Variants in NARS2 observed in about 807,000 individuals in gnomAD.
NARS2 encodes the protein asparaginyl-tRNA synthetase.
A neutral mutation model predicts 62.9 loss-of-function variants in NARS2; 60 were observed. The observed-to-expected ratio is 0.95, with a 90% confidence interval of 0.77 to 1.18. The LOEUF (loss-of-function observed/expected upper bound fraction) is 1.18, where lower values mean the gene tolerates loss of function less well. Among genes scored for constraint, NARS2 ranks in the 50% most tolerant of loss-of-function variants. The pLI is 0.00. For missense variants in NARS2, 619 were observed against 576.4 expected, an observed-to-expected ratio of 1.07 and a Z score of -0.76; for synonymous variants, 196 against 200.0, an observed-to-expected ratio of 0.98 and a Z score of 0.17.
At chr11:78,519,074 C>A (rs1240782072) in intron 6 of NARS2, among the ~76,000 whole-genome samples, 1 of 152,090 alleles carries the variant, frequency 6.6e-6, no homozygotes, top group African/African-American at 2.4e-5. Context: ...AATTCAGTAT[C>A]AAGGGAATGA....
intron 5 of NARS2, among the ~76,000 whole-genome samples, chr11:78,547,586 C>T (rs1034283030): frequency 6.6e-6 from 1 of 151,820 alleles, no homozygotes; most frequent in African/African-American, 2.4e-5. Context: ...GCCTGTAATC[C>T]CAGCATTTTG....
chr11:78,563,848 A>AT (rs1565287308), intron 4 of NARS2, among the ~76,000 whole-genome samples: 11 of 57,724 alleles, frequency 1.9e-4, no homozygotes, highest in African/African-American at 6.0e-4. Flanking sequence ...AAAAAAAAAA[A>AT]AAAATATATA....
At chr11:78,498,983 C>A (rs1204457616) in intron 6 of NARS2, among the ~76,000 whole-genome samples, 1 of 139,648 alleles carries the variant, frequency 7.2e-6, no homozygotes, top group Non-Finnish European at 1.5e-5. Context: ...GTGGCACGAT[C>A]TCGGCTCACT....
chr11:78,457,832 A>T (rs931726283), intron 11 of NARS2, among the ~76,000 whole-genome samples: 3 of 151,548 alleles, frequency 2.0e-5, no homozygotes, highest in Non-Finnish European at 4.4e-5. Flanking sequence ...ACACACAAAC[A>T]CACACACACA....
intron 6 of NARS2, among the ~76,000 whole-genome samples, chr11:78,500,736 G>C (rs962175706): frequency 6.6e-6 from 1 of 150,956 alleles, no homozygotes. Context: ...GGTTTATCTA[G>C]GTTGTATCTA....
intron 11 of NARS2, among the ~76,000 whole-genome samples, chr11:78,460,458 A>T (rs1858352010): frequency 6.6e-6 from 1 of 152,156 alleles, no homozygotes; most frequent in Non-Finnish European, 1.5e-5. Context: ...CTGATTCAGA[A>T]GAGGAAAGAA....
chr11:78,493,663 GAACA>G (rs1360051504), intron 6 of NARS2, among the ~76,000 whole-genome samples: 9 of 119,538 alleles, frequency 7.5e-5, no homozygotes, highest in Non-Finnish European at 1.3e-4. Context: ...CTCAATAAAT[GAACA>G]AACAAACAAA....
chr11:78,470,226 C>G (rs1858809645), intron 9 of NARS2, among the ~76,000 whole-genome samples: 1 of 152,124 alleles, frequency 6.6e-6, no homozygotes, highest in African/African-American at 2.4e-5. Flanking sequence ...CTGATTCTCT[C>G]CATGAGACAC....
chr11:78,469,403 T>C, intron 9 of NARS2, 90 bp from the exon 10 acceptor site: 1 of 866,482 alleles, frequency 1.2e-6, no homozygotes, highest in East Asian at 2.5e-5. Flanking sequence ...CGTACTCCTA[T>C]ATCACACTGT....
intron 7 of NARS2, among the ~76,000 whole-genome samples, chr11:78,488,760 G>T (rs545976430): frequency 6.6e-6 from 1 of 152,080 alleles, no homozygotes; most frequent in African/African-American, 2.4e-5. Flanking sequence ...AGTAGAATAC[G>T]GAACAGAATA....
intron 11 of NARS2, among the ~76,000 whole-genome samples, chr11:78,459,209 C>CCA (rs1858291482): frequency 4.0e-5 from 6 of 149,908 alleles, no homozygotes; most frequent in African/African-American, 1.5e-4. Flanking sequence ...GCCACGGCGC[C>CCA]GGTCAATCTG....
chr11:78,453,993 T>C (rs1858062826), intron 11 of NARS2, among the ~76,000 whole-genome samples: 1 of 152,226 alleles, frequency 6.6e-6, no homozygotes, highest in Non-Finnish European at 1.5e-5. Flanking sequence ...ATGTATTCCC[T>C]TTCCCTCATG....
chr11:78,574,069 G>A (rs573623228), intron 1 of NARS2, among the ~76,000 whole-genome samples: 1 of 152,318 alleles, frequency 6.6e-6, no homozygotes, highest in South Asian at 2.1e-4. Context: ...GATAAAGATA[G>A]AGAAAGGGGG....
chr11:78,490,592 G>A (rs925888826), intron 7 of NARS2, among the ~76,000 whole-genome samples: 9 of 152,144 alleles, frequency 5.9e-5, no homozygotes, highest in African/African-American at 1.7e-4. Context: ...TGAGGCAGGC[G>A]GATGGCTTGA....
chr11:78,545,780 C>T (rs906434827), intron 5 of NARS2, among the ~76,000 whole-genome samples: 1 of 152,042 alleles, frequency 6.6e-6, no homozygotes, highest in African/African-American at 2.4e-5. Context: ...GTGATATATA[C>T]GCCTGCCTTG....
At chr11:78,473,100 A>C (rs999782204) in intron 9 of NARS2, among the ~76,000 whole-genome samples, 1 of 152,204 alleles carries the variant, frequency 6.6e-6, no homozygotes, top group African/African-American at 2.4e-5. Context: ...CAGGAGTTCA[A>C]GGCTGCAGTG....
At chr11:78,563,591 G>C (rs186755207) in intron 4 of NARS2, among the ~76,000 whole-genome samples, 2 of 151,148 alleles carry the variant, frequency 1.3e-5, no homozygotes, top group Non-Finnish European at 2.9e-5. Flanking sequence ...CCAGCACTTT[G>C]GGAGGCTGAG....
At chr11:78,548,729 C>CT (rs1223516874) in intron 5 of NARS2, among the ~76,000 whole-genome samples, 2 of 152,060 alleles carry the variant, frequency 1.3e-5, no homozygotes, top group Non-Finnish European at 2.9e-5. Context: ...CTCCTCCCTT[C>CT]TGACATGACA....
chr11:78,481,841 G>C (rs1218825901), intron 7 of NARS2, among the ~76,000 whole-genome samples: 1 of 152,144 alleles, frequency 6.6e-6, no homozygotes, highest in African/African-American at 2.4e-5. Flanking sequence ...AAGAGACGCA[G>C]ATTACTTTTG....
Sources: gnomAD v4.1 joint callset for allele counts (sites outside exome capture counted in the v4.1 genomes callset) on GRCh38, gnomAD v4.1.1 for gene constraint, MANE v1.5 for transcripts, NCBI Gene and HGNC (gene_info 2026-07-23, HGNC 2026-07-21) for gene names.